Variants in SLC41A3 observed in about 807,000 individuals in gnomAD.
SLC41A3 encodes SLC41A1-like 2.
Under a neutral mutation model 45.4 loss-of-function variants are expected in SLC41A3, and 44 were observed. That is an observed-to-expected ratio of 0.97 (90% CI 0.76 to 1.25). The LOEUF is 1.25. Among genes scored for constraint, SLC41A3 ranks in the 50% most tolerant of loss-of-function variants. SLC41A3 has a pLI of 0.00. For synonymous variants in SLC41A3, 256 were observed against 252.4 expected, an observed-to-expected ratio of 1.01 and a Z score of -0.13; for missense variants, 550 against 600.6, an observed-to-expected ratio of 0.92 and a Z score of 0.88.
chr3:126,081,131 G>A (rs2108092787), intron 1 of SLC41A3, among the ~76,000 whole-genome samples: 1 of 152,298 alleles, frequency 6.6e-6, no homozygotes, highest in East Asian at 1.9e-4. Context: ...CCAGATGAAA[G>A]GATAAAGAAG....
At chr3:126,095,428 C>T in intron 1 of SLC41A3, 1 of 474,828 alleles carries the variant, frequency 2.1e-6, no homozygotes, top group Non-Finnish European at 3.7e-6. Context: ...AGCGAGACAG[C>T]CAGTCACAAT....
rs2107634274 is a variant in SLC41A3, at chr3:126,008,740, G to A, written c.1246C>T (p.Leu416=). The A allele has an allele frequency of 6.2e-7, 1 of 1,613,978 alleles. No homozygotes were observed. Among genetic ancestry groups the A allele is most frequent in the Non-Finnish European group, 8.5e-7 (1 of 1,179,890 alleles). The change falls in exon 10 of 11, where the codon CTG becomes TTG. Residue 416 remains leucine (L), a synonymous_variant. Coordinates refer to ENST00000360370, the MANE Select transcript of SLC41A3 (RefSeq NM_017836.4). Reference sequence around the variant, plus strand: ...GCTGCAGCCAGGCTTACCTGGATCAGGCCTGCCAGCAGGTAGAGCACCACA... The same window carrying A: ...GCTGCAGCCAGGCTTACCTGGATCAAGCCTGCCAGCAGGTAGAGCACCACA... ...TFVVLYLLAG[L]IQVTILLYLA...
intron 3 of SLC41A3, among the ~76,000 whole-genome samples, chr3:126,045,072 A>C (rs559719995): frequency 6.6e-6 from 1 of 152,134 alleles, no homozygotes; most frequent in East Asian, 1.9e-4. Flanking sequence ...TAAATTAGAA[A>C]ATATCTCAAG....
intron 1 of SLC41A3, among the ~76,000 whole-genome samples, chr3:126,089,951 C>T (rs1945458014): frequency 6.7e-6 from 1 of 149,120 alleles, no homozygotes; most frequent in Non-Finnish European, 1.5e-5. Context: ...AGCTGCTTGG[C>T]TTGTGAATGG....
chr3:126,066,360 T>C (rs1944344992), intron 2 of SLC41A3, among the ~76,000 whole-genome samples: 2 of 152,226 alleles, frequency 1.3e-5, no homozygotes, highest in African/African-American at 4.8e-5. Context: ...TCACCTGGAT[T>C]CTTTACCCAC....
At chr3:126,038,343 G>A (rs575411291) in intron 3 of SLC41A3, among the ~76,000 whole-genome samples, 1 of 152,306 alleles carries the variant, frequency 6.6e-6, no homozygotes, top group Admixed American at 6.5e-5. Context: ...CCATGTGCCT[G>A]GAAAAGCTGC....
At chr3:126,009,686 C>T (rs1487016938) in intron 9 of SLC41A3, among the ~76,000 whole-genome samples, 1 of 152,066 alleles carries the variant, frequency 6.6e-6, no homozygotes, top group Non-Finnish European at 1.5e-5. Context: ...TGCAGAAGAG[C>T]AACGACATCT....
At chr3:126,056,261 A>G (rs1241242685) in intron 2 of SLC41A3, 3 of 1,467,224 alleles carry the variant, frequency 2.0e-6, no homozygotes, top group African/African-American at 2.8e-5. Context: ...CTCCCACTGT[A>G]GAGGCCCCTC....
In SLC41A3 at chr3:126,007,115, G is replaced by A. The variant is rs752720552; in HGVS notation, c.1365C>T (p.Leu455=). 2.4e-5 allele frequency: 38 copies of A among 1,614,054 alleles called. No homozygotes were observed. Among genetic ancestry groups the A allele is most frequent in the East Asian group, 1.8e-4 (8 of 44,896 alleles). Residue 455 remains leucine, a synonymous_variant, in exon 11 of 11, where the codon CTC becomes CTT. Transcript: ENST00000360370. ...IPYLTGLGDL[L]GTGLLALCFF... ...AGCAGAGTGCCAGGAGGCCAGTACC[G>A]AGCAGGTCCCCCAGCCCTGTAAGGT...
intron 4 of SLC41A3, among the ~76,000 whole-genome samples, chr3:126,031,726 T>C (rs757137672): frequency 9.2e-5 from 14 of 152,248 alleles, no homozygotes; most frequent in Non-Finnish European, 1.5e-4. Context: ...GAATCAATTA[T>C]GTGGAAATGC....
intron 2 of SLC41A3, among the ~76,000 whole-genome samples, chr3:126,052,962 C>T (rs1407023987): frequency 1.3e-5 from 2 of 152,206 alleles, no homozygotes; most frequent in South Asian, 2.1e-4. Flanking sequence ...CGGAAGACGG[C>T]GGGGGAAGCT....
At chr3:126,008,357 C>T (rs569362251) in intron 10 of SLC41A3, among the ~76,000 whole-genome samples, 155 of 151,778 alleles carry the variant, frequency 1.0e-3, no homozygotes, top group Admixed American at 3.3e-3. Flanking sequence ...GTGTGGTGTG[C>T]ACTGTGTGGT....
At chr3:126,071,862 T>C (rs1944635763) in intron 1 of SLC41A3, among the ~76,000 whole-genome samples, 2 of 151,852 alleles carry the variant, frequency 1.3e-5, no homozygotes, top group South Asian at 2.1e-4. Context: ...CTTAGACCTC[T>C]GGGGCTCATG....
At chr3:126,077,596 T>C (rs1036725476) in intron 1 of SLC41A3, among the ~76,000 whole-genome samples, 1 of 152,208 alleles carries the variant, frequency 6.6e-6, no homozygotes, top group Non-Finnish European at 1.5e-5. Flanking sequence ...GTAAAATGTC[T>C]ACATGCCTGC....
At chr3:126,042,875 T>C (rs1046889178) in intron 3 of SLC41A3, among the ~76,000 whole-genome samples, 4 of 151,932 alleles carry the variant, frequency 2.6e-5, no homozygotes, top group African/African-American at 9.7e-5. Flanking sequence ...AAATAAGATT[T>C]AAGAAAAGTG....
intron 2 of SLC41A3, among the ~76,000 whole-genome samples, chr3:126,060,527 G>T (rs1944008684): frequency 1.3e-5 from 2 of 151,994 alleles, no homozygotes; most frequent in Admixed American, 6.6e-5. Flanking sequence ...GCCTTTGGGT[G>T]GTGGGTTCAT....
intron 3 of SLC41A3, among the ~76,000 whole-genome samples, chr3:126,038,623 G>A (rs144105472): frequency 5.4e-4 from 82 of 152,310 alleles, no homozygotes; most frequent in Admixed American, 1.2e-3. Context: ...TACTACCATT[G>A]CATCTTGGGA....
chr3:126,034,237 A>G lies in SLC41A3; in HGVS notation c.382-559T>C, dbSNP rs115449387. Among the ~76,000 whole-genome samples, 954 of 152,316 alleles carry G rather than the reference A, an allele frequency of 6.3e-3. 9 individuals are homozygous for G. Among genetic ancestry groups the G allele is most frequent in the African/African-American group, 0.022 (900 of 41,556 alleles). On this transcript the variant is annotated intron_variant, in intron 3 of 10. Transcript: ENST00000360370. ...CAAAATCATCCCATTTAAGGAACAC[A>G]TATAAGTCTCTCTTCTCTTAGGATA...
chr3:126,014,596 T>C (rs1940077888), intron 8 of SLC41A3, among the ~76,000 whole-genome samples: 1 of 152,250 alleles, frequency 6.6e-6, no homozygotes, highest in Non-Finnish European at 1.5e-5. Flanking sequence ...GAAGGCACTT[T>C]GGCACTGTTG....
Sources: gnomAD v4.1 joint callset for allele counts (sites outside exome capture counted in the v4.1 genomes callset) on GRCh38, gnomAD v4.1.1 for gene constraint, MANE v1.5 for transcripts, NCBI Gene and HGNC (gene_info 2026-07-23, HGNC 2026-07-21) for gene names.